The following PCDHGA7 variants were observed in gnomAD, a reference collection of about 807,000 sequenced individuals.
PCDHGA7 encodes the protein protocadherin gamma-A7.
A neutral mutation model predicts 58.3 loss-of-function variants in PCDHGA7; 44 were observed. The ratio of observed to expected loss-of-function variants is 0.75; its 90% CI spans 0.59 to 0.97. The LOEUF (loss-of-function observed/expected upper bound fraction) is 0.97. PCDHGA7 is among the 50% of genes least tolerant of loss of function. PCDHGA7 has a pLI of 0.00. For missense variants in PCDHGA7, 1,266 were observed against 1,188.7 expected (o/e 1.06, Z -0.96); for synonymous variants, 516 against 504.2 (o/e 1.02, Z -0.31).
In PCDHGA7 at chr5:141,486,157, AG is replaced by A. The variant is rs1562110605; in HGVS notation, c.2425-8649del. 1 of 1,614,208 alleles carries A rather than the reference AG, an allele frequency of 6.2e-7. No homozygotes were observed. Among genetic ancestry groups the A allele is most frequent in the Admixed American group, 1.7e-5 (1 of 60,026 alleles). On this transcript the variant is annotated intron_variant, in intron 1 of 3. Coordinates refer to ENST00000518325, the MANE Select transcript of PCDHGA7 (RefSeq NM_018920.4). This position sits in a 1 kb window ranked among gnomAD's most constrained non-coding sequence, Gnocchi z 5.0. ...TGCGGGCTCGCGATGGGGGTTCTCC[AG>A]CCATGGAGCAACATTGCAGCCTTCG...
In PCDHGA7 at chr5:141,431,931, C is replaced by T. The variant is rs2097430107; in HGVS notation, c.2424+46608C>T. ...ATCTGTTTCATCCAAGGAAATCTGCCCTTTAAATTAGAAAAATCTTACGGA... is the reference window on the plus strand; with the variant it reads ...ATCTGTTTCATCCAAGGAAATCTGCTCTTTAAATTAGAAAAATCTTACGGA... On this transcript the variant is annotated intron_variant, in intron 1 of 3. Transcript: ENST00000518325. This position sits in a 1 kb window ranked among gnomAD's most constrained non-coding sequence, Gnocchi z 4.8. The T allele has an allele frequency of 6.2e-7, 1 of 1,613,924 alleles. No homozygotes were observed. Among genetic ancestry groups the T allele is most frequent in the Admixed American group, 1.7e-5 (1 of 59,986 alleles).
chr5:141,409,644 TG>T, intron 1 of PCDHGA7: 1 of 1,613,700 alleles, frequency 6.2e-7, no homozygotes, highest in Non-Finnish European at 8.5e-7. Flanking sequence ...GACCCGGATT[TG>T]GGGCTCAATG....
intron 1 of PCDHGA7, chr5:141,422,116 T>A (rs753281558): frequency 2.5e-6 from 4 of 1,604,730 alleles, no homozygotes; most frequent in Non-Finnish European, 3.4e-6. Context: ...CCAATTGGAT[T>A]CACAAACTGG....
chr5:141,454,832 G>A (rs1311246854), intron 1 of PCDHGA7, among the ~76,000 whole-genome samples: 2 of 75,830 alleles, frequency 2.6e-5, no homozygotes, highest in African/African-American at 1.3e-4. Context: ...TTTTGAGACA[G>A]AGTCGCGCTC....
intron 1 of PCDHGA7, among the ~76,000 whole-genome samples, chr5:141,430,213 A>G (rs892801149): frequency 6.6e-6 from 1 of 151,106 alleles, no homozygotes; most frequent in Non-Finnish European, 1.5e-5. Context: ...AAATTATTAT[A>G]TTATATGATT....
intron 1 of PCDHGA7, chr5:141,394,873 C>T (rs376612124): frequency 6.8e-6 from 11 of 1,613,708 alleles, no homozygotes; most frequent in Non-Finnish European, 8.5e-6. Context: ...CCGAACGATT[C>T]GAGCCTTACA....
At chr5:141,403,891 A>T (rs779525294) in intron 1 of PCDHGA7, 17 of 1,613,752 alleles carry the variant, frequency 1.1e-5, no homozygotes, top group Admixed American at 1.0e-4. Flanking sequence ...AAGAATGTTC[A>T]TTTTATGAAA....
chr5:141,419,175 C>A lies in PCDHGA7; in HGVS notation c.2424+33852C>A, dbSNP rs185228661. On this transcript the variant is annotated intron_variant, in intron 1 of 3. Transcript: ENST00000518325. Reference sequence around the variant, plus strand: ...CCGTTATCCTCCAGCAAAACCATAACCCTGCACATTACTGACGTCAATGAC... The same window carrying A: ...CCGTTATCCTCCAGCAAAACCATAAACCTGCACATTACTGACGTCAATGAC... The A allele has an allele frequency of 5.2e-4, 837 of 1,613,966 alleles. 3 individuals carry two copies. Among genetic ancestry groups the A allele is most frequent in the Non-Finnish European group, 9.3e-5 (110 of 1,179,894 alleles).
chr5:141,390,528 G>T (rs1438036547), intron 1 of PCDHGA7: 1 of 537,820 alleles, frequency 1.9e-6, no homozygotes, highest in Non-Finnish European at 3.3e-6. Context: ...TGAGGGTGTG[G>T]TTTTAACCAC....
At chr5:141,464,407 A>G (rs996561936) in intron 1 of PCDHGA7, among the ~76,000 whole-genome samples, 1 of 151,544 alleles carries the variant, frequency 6.6e-6, no homozygotes, top group Non-Finnish European at 1.5e-5. Flanking sequence ...CCTGAGATAT[A>G]TATATATCTA....
At chr5:141,462,043 G>C (rs1310987622) in intron 1 of PCDHGA7, among the ~76,000 whole-genome samples, 1 of 152,100 alleles carries the variant, frequency 6.6e-6, no homozygotes, top group Non-Finnish European at 1.5e-5. Flanking sequence ...GGCGGGTCTT[G>C]AACTCCCGAC....
chr5:141,457,891 T>C (rs2154566084), intron 1 of PCDHGA7, among the ~76,000 whole-genome samples: 1 of 152,346 alleles, frequency 6.6e-6, no homozygotes, highest in South Asian at 2.1e-4. Context: ...GTGTGGGGAC[T>C]GTGTAGACAA....
chr5:141,389,597 G>A (rs372987681), intron 1 of PCDHGA7: 95 of 1,613,008 alleles, frequency 5.9e-5, no homozygotes, highest in Non-Finnish European at 7.5e-5. Context: ...ACGGCTCTGC[G>A]CTCTTCGATA....
At chr5:141,495,379 C>T (rs989240656) in intron 2 of PCDHGA7, among the ~76,000 whole-genome samples, 3 of 152,208 alleles carry the variant, frequency 2.0e-5, no homozygotes, top group Non-Finnish European at 4.4e-5. Context: ...TGAGGAAGGA[C>T]TGGGCGGGGC....
chr5:141,489,210 G>C lies in PCDHGA7; in HGVS notation c.2425-5597G>C. ...TCTACCTTGGAGACAGGACAGCACA[G>C]ACTTACTCTCCACAAAGGGACTTCT... On this transcript the variant is annotated intron_variant, in intron 1 of 3. Coordinates refer to ENST00000518325, the MANE Select transcript of PCDHGA7 (RefSeq NM_018920.4). This position sits in a 1 kb window ranked among gnomAD's most constrained non-coding sequence, Gnocchi z 4.5. 6.8e-7 allele frequency: 1 copy of C among 1,461,860 alleles called. No individual in the cohort carries two copies. Among genetic ancestry groups the C allele is most frequent in the African/African-American group, 1.4e-5 (1 of 70,802 alleles). 90.6% of individuals were successfully genotyped at this position (1,461,860 alleles called of 1,614,324 possible).
rs2099686717 is a variant in PCDHGA7, at chr5:141,489,403, A to C, written c.2425-5404A>C. The C allele has an allele frequency of 6.2e-7, 1 of 1,614,172 alleles. No homozygotes were observed. Among genetic ancestry groups the C allele is most frequent in the East Asian group, 2.2e-5 (1 of 44,884 alleles). On this transcript the variant is annotated intron_variant, in intron 1 of 3. Coordinates refer to ENST00000518325, the MANE Select transcript of PCDHGA7 (RefSeq NM_018920.4). The surrounding 1 kb of genome is among the most constrained non-coding windows in gnomAD (Gnocchi z 4.5). ...GAATGTTGCTCAGGATCTGGGCTTA[A>C]AGATGACAGATCTGTTGAGCCGGCG...
intron 1 of PCDHGA7, chr5:141,478,367 C>T (rs2099451272): frequency 1.2e-6 from 2 of 1,613,750 alleles, no homozygotes; most frequent in South Asian, 2.2e-5. Context: ...GCGGGGAGGC[C>T]TGATGTCGCC....
intron 1 of PCDHGA7, chr5:141,392,663 A>C: frequency 1.2e-6 from 1 of 810,712 alleles, no homozygotes; most frequent in Non-Finnish European, 1.8e-6. Flanking sequence ...GATGCCACAA[A>C]CTAACTGCTG....
rs754018989 is a variant in PCDHGA7, at chr5:141,384,575, C to G, written c.1676C>G (p.Pro559Arg). ...SLFVLDQNDN[P>R]PEILYPALPT... ...TTCGTGCTGGACCAGAATGACAACC[C>G]GCCCGAGATCCTGTACCCGGCCCTC... is the stretch of plus-strand genomic sequence containing the variant. The change falls in exon 1 of 4, where the codon CCG (proline) becomes CGG (arginine). Residue 559 changes from proline (P) to arginine (R), a missense_variant. Pro to Arg is a moderately radical substitution (Grantham distance 103). Coordinates refer to ENST00000518325, the MANE Select transcript of PCDHGA7 (RefSeq NM_018920.4). The G allele has an allele frequency of 6.2e-7, 1 of 1,614,258 alleles. No homozygotes were observed. Among genetic ancestry groups the G allele is most frequent in the East Asian group, 2.2e-5 (1 of 44,886 alleles).
Sources: gnomAD v4.1 joint callset for allele counts (sites outside exome capture counted in the v4.1 genomes callset) on GRCh38, gnomAD v4.1.1 for gene constraint, Gnocchi (gnomAD v3.1) non-coding constraint, MANE v1.5 for transcripts, NCBI Gene and HGNC (gene_info 2026-07-23, HGNC 2026-07-21) for gene names.